The following DNPEP variants were observed in gnomAD, a reference collection of about 807,000 sequenced individuals.
DNPEP encodes the protein aspartyl aminopeptidase.
DNPEP carries 46 observed loss-of-function variants against 59.1 expected under a neutral mutation model. That is an observed-to-expected ratio of 0.78 (90% CI 0.61 to 0.99). DNPEP has a LOEUF of 0.99. Ranked by LOEUF, DNPEP falls within the 50% of genes least tolerant of loss-of-function variation. The pLI, the probability that DNPEP is intolerant of heterozygous loss-of-function variation, is 0.00. For synonymous variants in DNPEP, 229 were observed against 242.2 expected (o/e 0.95, Z 0.50); for missense variants, 617 against 649.9 (o/e 0.95, Z 0.55).
chr2:219,374,086 C>G lies in DNPEP; in HGVS notation c.*206G>C. On this transcript the variant is annotated 3_prime_UTR_variant, in exon 15 of 15. Coordinates refer to ENST00000273075, the MANE Select transcript of DNPEP (RefSeq NM_012100.4). ...AAACCAGATTTAAAACCATCAGCTC[C>G]CAGGAGTGTGGCCTCCTCCACCTGC... The G allele has an allele frequency of 1.7e-6, 1 of 571,434 alleles. No individual in the cohort carries two copies. Among genetic ancestry groups the G allele is most frequent in the East Asian group, 2.8e-5 (1 of 35,858 alleles). 35.4% of individuals were successfully genotyped at this position (571,434 alleles called of 1,614,324 possible).
chr2:219,387,433 CT>C, intron 1 of DNPEP: 2 of 1,433,742 alleles, frequency 1.4e-6, no homozygotes, highest in Non-Finnish European at 1.8e-6. Flanking sequence ...CCCTGCCCAG[CT>C]AGGAAATCCT....
In DNPEP at chr2:219,382,021, A is replaced by T; in HGVS notation, c.1055T>A (p.Met352Lys). The T allele has an allele frequency of 6.2e-7, 1 of 1,614,234 alleles. No individual in the cohort carries two copies. Among genetic ancestry groups the T allele is most frequent in the Non-Finnish European group, 8.5e-7 (1 of 1,180,042 alleles). ...AFEEAIPKSF[M>K]ISADMAHAVH... Reference sequence around the variant, plus strand: ...AGCATGGGCCATGTCTGCGCTGATCATGAAGGACTTGGGTATGGCTTCCTC... The same window carrying T: ...AGCATGGGCCATGTCTGCGCTGATCTTGAAGGACTTGGGTATGGCTTCCTC... Residue 352 changes from methionine to lysine, a missense_variant, in exon 11 of 15, where the codon ATG becomes AAG. Met to Lys is a moderately conservative substitution (Grantham distance 95). Coordinates refer to ENST00000273075, the MANE Select transcript of DNPEP (RefSeq NM_012100.4).
At chr2:219,387,712 C>G in intron 1 of DNPEP, 47 bp downstream of exon 1, 1 of 1,607,116 alleles carries the variant, frequency 6.2e-7, no homozygotes, top group Non-Finnish European at 8.5e-7. Flanking sequence ...GGGCGCCGGA[C>G]CCGGTCTGGG....
chr2:219,386,574 A>C, intron 4 of DNPEP, 91 bp downstream of exon 4: 1 of 1,445,078 alleles, frequency 6.9e-7, no homozygotes, highest in Admixed American at 2.0e-5. Context: ...ACTCCAGGGG[A>C]TAGAGGCCCC....
rs751792787 is a variant in DNPEP at position 219,374,242 on chromosome 2, C to A, written c.*50G>T. ...AATCCAGCTTCAGCTCAGCTGAGAACTTCCCCTCTCAGGTGCAAAGGGATG... is the reference window on the plus strand; with the variant it reads ...AATCCAGCTTCAGCTCAGCTGAGAAATTCCCCTCTCAGGTGCAAAGGGATG... On this transcript the variant is annotated 3_prime_UTR_variant, in exon 15 of 15. Coordinates refer to ENST00000273075, the MANE Select transcript of DNPEP (RefSeq NM_012100.4). 4 of 1,528,340 alleles carry A rather than the reference C, an allele frequency of 2.6e-6. No homozygotes were observed. 94.7% of individuals were successfully genotyped at this position (1,528,340 alleles called of 1,614,324 possible). A position where few individuals can be genotyped will look rare whatever the true frequency, so the allele number is the denominator to read the frequency against.
chr2:219,374,542 A>G (rs1953291412), intron 14 of DNPEP, among the ~76,000 whole-genome samples, 200 bp from the exon 15 acceptor site: 1 of 152,084 alleles, frequency 6.6e-6, no homozygotes, highest in African/African-American at 2.4e-5. Context: ...AGGGCCCCTG[A>G]GCCTTGAGAA....
chr2:219,381,499 G>C (rs369017408), intron 12 of DNPEP, 46 bp downstream of exon 12: 1 of 1,613,838 alleles, frequency 6.2e-7, no homozygotes, highest in Non-Finnish European at 8.5e-7. Context: ...TCGGCGCTCG[G>C]AACAGCCAGA....
intron 8 of DNPEP, chr2:219,384,729 C>T (rs1437275075): frequency 3.7e-6 from 1 of 268,228 alleles, no homozygotes; most frequent in African/African-American, 2.3e-5. Flanking sequence ...CCACCAGGCC[C>T]AGCTAATTTT....
Position 219,373,994 on chromosome 2 carries a change from T to C in DNPEP, c.*298A>G. The C allele has an allele frequency of 2.7e-6, 1 of 376,126 alleles. No homozygotes were observed. The highest frequency in any genetic ancestry group is 3.9e-5 in the Admixed American group (1 of 25,616). The allele number at this position is 376,126 out of a possible 1,614,324, so 23.3% of individuals were successfully genotyped here. On this transcript the variant is annotated 3_prime_UTR_variant, in exon 15 of 15. Transcript: ENST00000273075. Reference sequence around the variant, plus strand: ...GGACTAGGGGTGGGAGAAGTGACCTTCTGCTTGAGGATCCAGTCCACCCTT... The same window carrying C: ...GGACTAGGGGTGGGAGAAGTGACCTCCTGCTTGAGGATCCAGTCCACCCTT...
chr2:219,389,297 C>T (rs570660733), upstream of DNPEP, among the ~76,000 whole-genome samples: 71 of 152,158 alleles, frequency 4.7e-4, no homozygotes, highest in Non-Finnish European at 8.1e-4. Flanking sequence ...TCTTGGTGGC[C>T]TCTAGATCCA....
At chr2:219,382,961 A>C (rs1953660711) in intron 10 of DNPEP, among the ~76,000 whole-genome samples, 170 bp downstream of exon 10, 1 of 152,194 alleles carries the variant, frequency 6.6e-6, no homozygotes, top group African/African-American at 2.4e-5. Context: ...CCCTCGAATA[A>C]GCAGATCTAT....
chr2:219,386,198 C>T (rs1035551628), intron 5 of DNPEP, 88 bp downstream of exon 5: 2 of 1,608,982 alleles, frequency 1.2e-6, no homozygotes, highest in African/African-American at 1.3e-5. Context: ...GACCAGACTG[C>T]CCCCACCCCT....
chr2:219,384,217 C>T (rs1458249455), intron 9 of DNPEP, 149 bp downstream of exon 9: 2 of 677,358 alleles, frequency 3.0e-6, no homozygotes, highest in Admixed American at 3.1e-5. Context: ...ATTTAGGGCC[C>T]CCTCCTGGTC....
At chr2:219,388,046 A>G, upstream of DNPEP, 1 of 666,128 alleles carries the variant, frequency 1.5e-6, no homozygotes, top group Non-Finnish European at 1.9e-6. Context: ...CTCGCTGGGC[A>G]CCACCACCCG....
rs1953785115 is a variant in DNPEP at position 219,385,708 on chromosome 2, T to TGTG, written c.591-5_591-3dup. 6.2e-7 allele frequency: 1 copy of TGTG among 1,600,424 alleles called. No homozygotes were observed. ...ATGGCTGTGGCAAGAATGGGGACTC[T>TGTG]GTGGGGAGACGTGGGTTGTGGGGGG... On this transcript the variant is annotated splice_region_variant and splice_polypyrimidine_tract_variant and intron_variant, in intron 6 of 14. Coordinates refer to ENST00000273075, the MANE Select transcript of DNPEP (RefSeq NM_012100.4).
chr2:219,394,561 C>T (rs560078253), intron 1 of DNPEP, among the ~76,000 whole-genome samples: 81 of 152,210 alleles, frequency 5.3e-4, no homozygotes, highest in African/African-American at 1.9e-3. Flanking sequence ...CAGGCATGAG[C>T]CACGGTGCCT....
Position 219,386,093 on chromosome 2 carries a change from A to G in DNPEP, c.465T>C (p.Pro155=), listed in dbSNP as rs1339449529. Residue 155 remains proline (P), a synonymous_variant, in exon 6 of 15, where the codon CCT becomes CCC. Coordinates refer to ENST00000273075, the MANE Select transcript of DNPEP (RefSeq NM_012100.4). ...GCTGCTGCTCCAGCCGACCTGAGGTAGGGCACTGCAGCCAGCCAGGCCAGG... is the reference window on the plus strand; with the variant it reads ...GCTGCTGCTCCAGCCGACCTGAGGTGGGGCACTGCAGCCAGCCAGGCCAGG... ...TLAGRVIVKC[P]TSGRLEQQLV... 7 of 1,613,932 alleles carry G rather than the reference A, an allele frequency of 4.3e-6. No individual in the cohort carries two copies. The highest frequency in any genetic ancestry group is 5.9e-6 in the Non-Finnish European group (7 of 1,179,986).
chr2:219,395,834 T>C lies in DNPEP; in HGVS notation c.-158+4106A>G, dbSNP rs148154184. Among the ~76,000 whole-genome samples, 20 of 152,378 alleles carry C rather than the reference T, an allele frequency of 1.3e-4. No homozygotes were observed. In the East Asian group the frequency reaches 3.9e-3, roughly 29 times the overall value. ...CTTAGGATCCACAGGAAGAAGTCTCTGTCAACTGGAAGTAACCTGCTGGCC... is the reference window on the plus strand; with the variant it reads ...CTTAGGATCCACAGGAAGAAGTCTCCGTCAACTGGAAGTAACCTGCTGGCC... On this transcript the variant is annotated intron_variant, in intron 1 of 6. Transcript: ENST00000434339.
At chr2:219,375,077 A>C in intron 13 of DNPEP, 55 bp from the exon 14 acceptor site, 1 of 1,578,712 alleles carries the variant, frequency 6.3e-7, no homozygotes, top group South Asian at 1.1e-5. Context: ...ATCAGAGCCA[A>C]GGAGGACGCC....
Sources: allele counts gnomAD v4.1 joint callset (sites outside exome capture counted in the v4.1 genomes callset), GRCh38; gene constraint gnomAD v4.1.1; transcripts MANE v1.5; gene names NCBI Gene and HGNC (gene_info 2026-07-23, HGNC 2026-07-21).